TSPAN15: variants seen among roughly 807,000 people sequenced by gnomAD.
TSPAN15 encodes the protein tetraspanin-15.
Under a neutral mutation model 34.5 loss-of-function variants are expected in TSPAN15, and 20 were observed. That is an observed-to-expected ratio of 0.58 (90% confidence interval 0.41 to 0.84). The LOEUF (loss-of-function observed/expected upper bound fraction) is 0.84, where lower values mean the gene tolerates loss of function less well. Among genes scored for constraint, TSPAN15 ranks in the 40% least tolerant of loss-of-function variants. TSPAN15 has a pLI of 0.00. For synonymous variants in TSPAN15, 155 were observed against 153.9 expected, an observed-to-expected ratio of 1.01 and a Z score of -0.05; for missense variants, 313 against 386.1, an observed-to-expected ratio of 0.81 and a Z score of 1.59.
intron 4 of TSPAN15, among the ~76,000 whole-genome samples, chr10:69,496,881 A>G (rs189122764): frequency 3.5e-4 from 54 of 152,238 alleles, no homozygotes; most frequent in African/African-American, 1.2e-3. Context: ...AGATGTTTTT[A>G]TTGGAACCAG....
At chr10:69,531,692 A>G in the TSPAN15 span, among the ~76,000 whole-genome samples, 4 of 152,212 alleles carry the variant, frequency 2.6e-5, no homozygotes, top group East Asian at 7.7e-4. Context: ...CATGCCAGAA[A>G]GATATACCTG....
chr10:69,483,713 CTG>C lies in TSPAN15; in HGVS notation c.122_123del (p.Val41GlyfsTer7). Reference sequence around the variant, plus strand: ...CAGCTGATTGGGGCCCTGGTCCTGTCTGTGGGCATCTATGCAGAGGTTGAGCG... The same window carrying C: ...CAGCTGATTGGGGCCCTGGTCCTGTCTGGGCATCTATGCAGAGGTTGAGCG... On this transcript the variant is annotated frameshift_variant, in exon 2 of 8. Transcript: ENST00000373290. LOFTEE classifies it high-confidence loss of function. 6.2e-7 allele frequency: 1 copy of C among 1,614,142 alleles called. No individual in the cohort carries two copies. Among genetic ancestry groups the C allele is most frequent in the Non-Finnish European group, 8.5e-7 (1 of 1,179,976 alleles).
chr10:69,539,500 A>AAGG, the TSPAN15 span, among the ~76,000 whole-genome samples: 2 of 78,090 alleles, frequency 2.6e-5, no homozygotes, highest in South Asian at 8.8e-4. Context: ...GAAGAAGAAG[A>AAGG]AGAAGAAGAA....
chr10:69,482,692 AAC>A (rs3028406), intron 1 of TSPAN15, among the ~76,000 whole-genome samples: 58,317 of 151,938 alleles, frequency 0.38, 11,853 homozygotes, highest in Non-Finnish European at 0.45. Flanking sequence ...TTCAGATGAG[AAC>A]ACAGACTCAC....
intron 5 of TSPAN15, among the ~76,000 whole-genome samples, chr10:69,502,400 T>C (rs560773389): frequency 3.9e-5 from 6 of 152,318 alleles, no homozygotes; most frequent in East Asian, 1.9e-4. Flanking sequence ...TGGCTACCCC[T>C]TGGGGGCCTG....
intron 1 of TSPAN15, 91 bp downstream of exon 1, chr10:69,451,781 C>G (rs2133044842): frequency 1.9e-6 from 2 of 1,069,144 alleles, no homozygotes; most frequent in East Asian, 3.2e-5. Flanking sequence ...CACACTTAGC[C>G]GCTCCAGGGA....
the TSPAN15 span, among the ~76,000 whole-genome samples, chr10:69,548,210 A>G: frequency 6.6e-6 from 1 of 152,220 alleles, no homozygotes; most frequent in Admixed American, 6.5e-5. Context: ...GTGTGGAGGC[A>G]AAACTAGACT....
chr10:69,512,085 T>TA (rs199598780), downstream of TSPAN15, among the ~76,000 whole-genome samples: 65 of 151,464 alleles, frequency 4.3e-4, no homozygotes, highest in African/African-American at 1.5e-3. Flanking sequence ...ACTTAAAGTA[T>TA]AAAAAAAAAT....
the TSPAN15 span, among the ~76,000 whole-genome samples, chr10:69,542,157 G>T: frequency 6.6e-6 from 1 of 152,120 alleles, no homozygotes; most frequent in Non-Finnish European, 1.5e-5. Context: ...AATTTCCACA[G>T]ATCTCTAGGG....
intron 1 of TSPAN15, among the ~76,000 whole-genome samples, chr10:69,452,106 G>T (rs1291688387): frequency 6.6e-6 from 1 of 152,242 alleles, no homozygotes; most frequent in African/African-American, 2.4e-5. Flanking sequence ...CTGGATTCCG[G>T]GTCTGGTCCC....
intron 3 of TSPAN15, among the ~76,000 whole-genome samples, chr10:69,491,526 A>T (rs1006124580): frequency 1.3e-4 from 2 of 15,274 alleles, no homozygotes; most frequent in South Asian, 7.1e-3. Context: ...CCATGCCTGG[A>T]TAATTGTGTG....
rs1462856392 is a variant in TSPAN15, at chr10:69,506,130, AGTGT to A, written c.627_630del (p.Val210ArgfsTer13). The A allele has an allele frequency of 1.9e-6, 3 of 1,613,588 alleles. No homozygotes were observed. The African/African-American group carries it at 4.0e-5, about 22-fold the overall frequency. On this transcript the variant is annotated frameshift_variant, in exon 7 of 8. Transcript: ENST00000373290. LOFTEE classifies it high-confidence loss of function. The surrounding 1 kb of genome is among the most constrained non-coding windows in gnomAD (Gnocchi z 4.7). ...CCAGCTCCTTCCCATGCAGCGTTTC[AGTGT>A]GCAGGATGTCATCTACGTGCGGGGC...
chr10:69,504,395 T>C (rs1345336780), intron 5 of TSPAN15, 43 bp from the exon 6 acceptor site: 1 of 1,584,278 alleles, frequency 6.3e-7, no homozygotes, highest in African/African-American at 1.3e-5. Flanking sequence ...CTTTTTGAGT[T>C]AGAACCATTA....
In TSPAN15 at chr10:69,507,385, A is replaced by G. The variant is rs1440863010; in HGVS notation, c.*407A>G. ...AGTGTGCCCCTCGGGGCAGGAGGGA[A>G]GGGCATCTGGGGAAGGGCAGGAGGG... On this transcript the variant is annotated 3_prime_UTR_variant, in exon 8 of 8. Transcript: ENST00000373290. 1.1e-5 allele frequency: 14 copies of G among 1,221,392 alleles called. 1 individual carries two copies. Among genetic ancestry groups the G allele is most frequent in the Non-Finnish European group, 1.5e-5 (14 of 959,416 alleles). 75.7% of individuals were successfully genotyped at this position (1,221,392 alleles called of 1,614,324 possible). A position where few individuals can be genotyped will look rare whatever the true frequency, so the allele number is the denominator to read the frequency against.
At chr10:69,479,656 A>C (rs1479126465) in intron 1 of TSPAN15, among the ~76,000 whole-genome samples, 1 of 152,232 alleles carries the variant, frequency 6.6e-6, no homozygotes, top group Non-Finnish European at 1.5e-5. Flanking sequence ...ATGGGATTGC[A>C]TGCTGGCATT....
At position 69,465,111 on chromosome 10, in the gene TSPAN15, A is replaced by T. The variant is rs1168116295; in HGVS notation, c.96+13421A>T. Among the ~76,000 whole-genome samples the T allele has an allele frequency of 2.0e-5, 3 of 152,320 alleles. No homozygotes were observed. The South Asian group carries it at 6.2e-4, about 32-fold the overall frequency. Reference sequence around the variant, plus strand: ...CACTGAGTCCTAGCAGCATGCTCTGACAGCTGCAGACATTCTGTGATCTGG... The same window carrying T: ...CACTGAGTCCTAGCAGCATGCTCTGTCAGCTGCAGACATTCTGTGATCTGG... On this transcript the variant is annotated intron_variant, in intron 1 of 7. Coordinates refer to ENST00000373290, the MANE Select transcript of TSPAN15 (RefSeq NM_012339.5).
chr10:69,507,441 C>T lies in TSPAN15; in HGVS notation c.*463C>T. On this transcript the variant is annotated 3_prime_UTR_variant, in exon 8 of 8. Transcript: ENST00000373290. ...CTGTCCATGCAGCCACGCCCATGGC[C>T]AGGTTGGCCTCTTCTCAGCCTCCCA... 2.0e-5 allele frequency: 26 copies of T among 1,291,772 alleles called. No homozygotes were observed. The highest frequency in any genetic ancestry group is 2.6e-5 in the Non-Finnish European group (26 of 985,350). 80.0% of individuals were successfully genotyped at this position (1,291,772 alleles called of 1,614,324 possible). A position where few individuals can be genotyped will look rare whatever the true frequency, so the allele number is the denominator to read the frequency against.
In TSPAN15 at chr10:69,487,523, C is replaced by T. The variant is rs1353448678; in HGVS notation, c.357+2308C>T. Among the ~76,000 whole-genome samples, 4 of 152,062 alleles carry T rather than the reference C, an allele frequency of 2.6e-5. No homozygotes were observed. In the East Asian group the frequency reaches 5.8e-4, roughly 22 times the overall value. On this transcript the variant is annotated intron_variant, in intron 3 of 7. Transcript: ENST00000373290. Reference sequence around the variant, plus strand: ...CTCTCTGTGCAGCCAGCAGAGCTCCCGGCCGCCCTGAGGCTTTCCAGGGTT... The same window carrying T: ...CTCTCTGTGCAGCCAGCAGAGCTCCTGGCCGCCCTGAGGCTTTCCAGGGTT...
the TSPAN15 span, among the ~76,000 whole-genome samples, chr10:69,528,858 G>A: frequency 9.3e-3 from 1,372 of 147,954 alleles, 88 homozygotes; most frequent in African/African-American, 0.03. Context: ...GCTTTTATGG[G>A]CCTCAGAGGG....
Sources: gnomAD v4.1 joint callset for allele counts (sites outside exome capture counted in the v4.1 genomes callset) on GRCh38, gnomAD v4.1.1 for gene constraint, Gnocchi (gnomAD v3.1) non-coding constraint, MANE v1.5 for transcripts, NCBI Gene and HGNC (gene_info 2026-07-23, HGNC 2026-07-21) for gene names.